Variants in GCN1 observed in about 807,000 individuals in gnomAD.
GCN1 encodes stalled ribosome sensor GCN1.
A neutral mutation model predicts 288.4 loss-of-function variants in GCN1; 90 were observed. The observed-to-expected ratio is 0.31, with a 90% CI of 0.26 to 0.37. The LOEUF (loss-of-function observed/expected upper bound fraction) is 0.37, where lower values mean the gene tolerates loss of function less well. GCN1 is among the 10% of genes least tolerant of loss of function. The pLI, the probability that GCN1 is intolerant of heterozygous loss-of-function variation, is 1.00. For synonymous variants in GCN1, 1,386 were observed against 1,420.2 expected, an observed-to-expected ratio of 0.98 and a Z score of 0.54; for missense variants, 2,586 against 3,419.9, an observed-to-expected ratio of 0.76 and a Z score of 6.08.
chr12:120,145,390 T>C, intron 38 of GCN1, 60 bp from the exon 39 acceptor site: 1 of 1,295,600 alleles, frequency 7.7e-7, no homozygotes, highest in Non-Finnish European at 1.1e-6. Context: ...CCAGGCCTGT[T>C]CCACTGTGGA....
chr12:120,164,872 T>G (rs1194302820), intron 16 of GCN1, 151 bp from the exon 17 acceptor site: 1 of 524,356 alleles, frequency 1.9e-6, no homozygotes, highest in Non-Finnish European at 3.4e-6. Flanking sequence ...CTTGTTTTTT[T>G]TTTTTTGCTT....
Position 120,160,028 on chromosome 12 carries a change from A to G in GCN1, c.2551-5T>C. On this transcript the variant is annotated splice_region_variant and splice_polypyrimidine_tract_variant and intron_variant, in intron 23 of 57. Transcript: ENST00000300648. ...CGCCTCCAGCTCCCCATCCAGCTGC[A>G]AGCAGAGTTGTCCAGAAGGCAGGTC... 1 of 1,613,920 alleles carries G rather than the reference A, an allele frequency of 6.2e-7. No homozygotes were observed. The highest frequency in any genetic ancestry group is 8.5e-7 in the Non-Finnish European group (1 of 1,179,806).
At chr12:120,128,150 C>A (rs115155492) in intron 57 of GCN1, among the ~76,000 whole-genome samples, 176 bp from the exon 58 acceptor site, 3 of 152,214 alleles carry the variant, frequency 2.0e-5, no homozygotes, top group African/African-American at 7.2e-5. Context: ...ACTCATCATG[C>A]TTTTCTATTT....
rs1322144422 is a variant in GCN1, at chr12:120,145,080, C to G, written c.5017-19G>C. 6.2e-7 allele frequency: 1 copy of G among 1,613,812 alleles called. No homozygotes were observed. Among genetic ancestry groups the G allele is most frequent in the African/African-American group, 1.3e-5 (1 of 74,950 alleles). On this transcript the variant is annotated intron_variant, in intron 39 of 57. Coordinates refer to ENST00000300648, the MANE Select transcript of GCN1 (RefSeq NM_006836.2). Reference sequence around the variant, plus strand: ...TCCGCACCTGTCAGGTAACCGAGAGCAGAGATGGTGTGAGAAGATGAGGCT... The same window carrying G: ...TCCGCACCTGTCAGGTAACCGAGAGGAGAGATGGTGTGAGAAGATGAGGCT...
At position 120,153,198 on chromosome 12, in the gene GCN1, C is replaced by A. The variant is rs764887318; in HGVS notation, c.4062+15G>T. The A allele has an allele frequency of 1.9e-6, 3 of 1,611,544 alleles. No homozygotes were observed. The highest frequency in any genetic ancestry group is 3.3e-5 in the Admixed American group (2 of 59,982). The stretch of plus-strand genomic sequence containing the variant: ...CTCTAACCGACATGTGGGTCCCAGG[C>A]CAGATGGCAGGTACCTGCTGGGAGG... On this transcript the variant is annotated intron_variant, in intron 33 of 57. Coordinates refer to ENST00000300648, the MANE Select transcript of GCN1 (RefSeq NM_006836.2). This position sits in a 1 kb window ranked among gnomAD's most constrained non-coding sequence, Gnocchi z 4.4.
At chr12:120,129,119 G>A (rs1040850885) in intron 57 of GCN1, among the ~76,000 whole-genome samples, 157 bp downstream of exon 57, 4 of 152,280 alleles carry the variant, frequency 2.6e-5, no homozygotes, top group African/African-American at 4.8e-5. Context: ...GCGAGCCACC[G>A]CGCCCGGCCC....
At chr12:120,185,022 A>C in intron 2 of GCN1, 135 bp from the exon 3 acceptor site, 2 of 652,152 alleles carry the variant, frequency 3.1e-6, no homozygotes, top group South Asian at 1.7e-5. Flanking sequence ...CCCCAAGAGG[A>C]AAAAGCAACA....
intron 45 of GCN1, 110 bp downstream of exon 45, chr12:120,140,749 G>A (rs1395491072): frequency 2.0e-6 from 2 of 1,016,228 alleles, no homozygotes; most frequent in East Asian, 5.0e-5. Context: ...GCTCATCCCT[G>A]AGGGCAGCAC....
At position 120,155,624 on chromosome 12, in the gene GCN1, G is replaced by A. The variant is rs912860825; in HGVS notation, c.3408C>T (p.Asp1136=). The change falls in exon 29 of 58, where the codon GAC becomes GAT. Residue 1136 remains aspartate (D), a synonymous_variant. Coordinates refer to ENST00000300648, the MANE Select transcript of GCN1 (RefSeq NM_006836.2). The surrounding 1 kb of genome is among the most constrained non-coding windows in gnomAD (Gnocchi z 4.9). ...CCAGCTTCCGGATCTCCTCCTCCTTGTCAAACTTGACCACCCAGAGTCTCC... is the reference window on the plus strand; with the variant it reads ...CCAGCTTCCGGATCTCCTCCTCCTTATCAAACTTGACCACCCAGAGTCTCC... ...LLRRLWVVKF[D]KEEEIRKLAE... 1.9e-6 allele frequency: 3 copies of A among 1,614,010 alleles called. No homozygotes were observed. The highest frequency in any genetic ancestry group is 2.2e-5 in the East Asian group (1 of 44,884).
chr12:120,183,441 C>T (rs60937420), intron 5 of GCN1, 128 bp downstream of exon 5: 6 of 690,800 alleles, frequency 8.7e-6, no homozygotes, highest in Admixed American at 4.0e-5. Flanking sequence ...CCACACACCT[C>T]GGGACAACTC....
Position 120,142,882 on chromosome 12 carries a change from T to C in GCN1, c.5555A>G (p.Lys1852Arg). 2 of 1,613,990 alleles carry C rather than the reference T, an allele frequency of 1.2e-6. No individual in the cohort carries two copies. Among genetic ancestry groups the C allele is most frequent in the Non-Finnish European group, 1.7e-6 (2 of 1,179,864 alleles). Residue 1852 changes from lysine to arginine, a missense_variant, in exon 43 of 58, where the codon AAG (lysine) becomes AGG (arginine). Coordinates refer to ENST00000300648, the MANE Select transcript of GCN1 (RefSeq NM_006836.2). The surrounding 1 kb of genome is among the most constrained non-coding windows in gnomAD (Gnocchi z 4.9). ...LLFHISGVTG[K>R]MTTETASEDD... ...CTCAGAGGCAGTTTCTGTGGTCATCTTCCCAGTGACTCCTGAGATGTGAAA... is the reference window on the plus strand; with the variant it reads ...CTCAGAGGCAGTTTCTGTGGTCATCCTCCCAGTGACTCCTGAGATGTGAAA...
Position 120,153,970 on chromosome 12 carries a change from A to C in GCN1, c.3702-61T>G, listed in dbSNP as rs1023610001. The C allele has an allele frequency of 7.0e-7, 1 of 1,436,818 alleles. No homozygotes were observed. The highest frequency in any genetic ancestry group is 1.4e-5 in the African/African-American group (1 of 71,454). The allele number at this position is 1,436,818 out of a possible 1,614,324, so 89.0% of individuals were successfully genotyped here. On this transcript the variant is annotated intron_variant, in intron 31 of 57. Transcript: ENST00000300648. The surrounding 1 kb of genome is among the most constrained non-coding windows in gnomAD (Gnocchi z 4.4). ...TCAGGGGGCCTCCTCTGCCAGTGGA[A>C]CCTCTGCTGGTGCACGGCAAGGAGA...
At chr12:120,157,641 G>T (rs1369246760) in intron 26 of GCN1, among the ~76,000 whole-genome samples, 1 of 152,358 alleles carries the variant, frequency 6.6e-6, no homozygotes, top group East Asian at 1.9e-4. Flanking sequence ...TGGCATGGCA[G>T]GAGAGCCAGA....
At chr12:120,132,086 G>T in intron 53 of GCN1, 64 bp from the exon 54 acceptor site, 1 of 1,083,522 alleles carries the variant, frequency 9.2e-7, no homozygotes, top group Non-Finnish European at 1.4e-6. Flanking sequence ...GGGAACCAAG[G>T]CAGGCAGCTC....
At position 120,138,343 on chromosome 12, in the gene GCN1, G is replaced by C. The variant is rs1456079970; in HGVS notation, c.6229C>G (p.Leu2077Val). The change falls in exon 47 of 58, where the codon CTG (leucine) becomes GTG (valine). Residue 2077 changes from leucine to valine, a missense_variant. By Grantham distance (32) the Leu-to-Val change is conservative. Around this residue, in one of 8 missense-constraint regions of GCN1, gnomAD observed 437 missense variants for 570.5 expected, o/e 0.77. Transcript: ENST00000300648. ...QVMAIKSRVV[L>V]PYLVPKLTTP... ...TTTACCTTGGGCACAAGGTAGGGCAGCACCACACGACTCTTAATAGCCATG... is the reference window on the plus strand; with the variant it reads ...TTTACCTTGGGCACAAGGTAGGGCACCACCACACGACTCTTAATAGCCATG... 1.2e-6 allele frequency: 2 copies of C among 1,604,870 alleles called. No individual in the cohort carries two copies. The highest frequency in any genetic ancestry group is 2.2e-5 in the East Asian group (1 of 44,848).
At chr12:120,181,379 C>T (rs1326737354) in intron 5 of GCN1, among the ~76,000 whole-genome samples, 1 of 147,286 alleles carries the variant, frequency 6.8e-6, no homozygotes, top group Admixed American at 7.0e-5. Context: ...ACAGAAGGAT[C>T]GCTTGAGCCC....
intron 10 of GCN1, 70 bp downstream of exon 10, chr12:120,176,073 C>T (rs987166872): frequency 7.5e-7 from 1 of 1,327,564 alleles, no homozygotes; most frequent in Non-Finnish European, 1.1e-6. Context: ...ACCCCTGCTA[C>T]AACAATTAGG....
chr12:120,186,448 C>T (rs903668240), intron 2 of GCN1, among the ~76,000 whole-genome samples: 5 of 151,732 alleles, frequency 3.3e-5, no homozygotes, highest in African/African-American at 9.7e-5. Context: ...CAGTGAAGCA[C>T]GCAAACAAAA....
intron 57 of GCN1, 146 bp from the exon 58 acceptor site, chr12:120,128,120 C>T: frequency 2.7e-6 from 2 of 745,144 alleles, no homozygotes; most frequent in Non-Finnish European, 4.4e-6. Context: ...CAGATGGATC[C>T]AGGGAAAGCC....
Sources: allele counts gnomAD v4.1 joint callset (sites outside exome capture counted in the v4.1 genomes callset), GRCh38; gene constraint gnomAD v4.1.1; regional missense constraint gnomAD v4.1.1; non-coding constraint Gnocchi (gnomAD v3.1); transcripts MANE v1.5; gene names NCBI Gene and HGNC (gene_info 2026-07-23, HGNC 2026-07-21).